VSTM5: variants seen among roughly 807,000 people sequenced by gnomAD.
VSTM5 encodes the protein V-set and transmembrane domain-containing protein 5.
VSTM5 carries 21 observed loss-of-function variants against 20.3 expected under a neutral mutation model. That is an observed-to-expected ratio of 1.03 (90% confidence interval 0.73 to 1.49). The LOEUF (loss-of-function observed/expected upper bound fraction) is 1.49. Ranked by LOEUF, VSTM5 falls within the 40% of genes most tolerant of loss-of-function variation. The pLI is 0.00. For missense variants in VSTM5, 219 were observed against 250.0 expected (o/e 0.88, Z 0.84); for synonymous variants, 100 against 102.5 (o/e 0.98, Z 0.14).
chr11:93,835,542 C>T (rs914734485), intron 1 of VSTM5, among the ~76,000 whole-genome samples: 1 of 152,158 alleles, frequency 6.6e-6, no homozygotes, highest in Non-Finnish European at 1.5e-5. Flanking sequence ...TCACAGAATT[C>T]CTTGAGCTTG....
chr11:93,829,680 C>T (rs1251447256), intron 1 of VSTM5, among the ~76,000 whole-genome samples: 1 of 152,194 alleles, frequency 6.6e-6, no homozygotes, highest in Non-Finnish European at 1.5e-5. Flanking sequence ...CCAGTCTTCC[C>T]TAACACTCTG....
At chr11:93,823,999 C>T (rs1257493023) in intron 1 of VSTM5, among the ~76,000 whole-genome samples, 1 of 151,998 alleles carries the variant, frequency 6.6e-6, no homozygotes, top group African/African-American at 2.4e-5. Context: ...CCTCTGCCTC[C>T]CAGGTTCAAG....
At chr11:93,835,020 C>T (rs1944312826) in intron 1 of VSTM5, among the ~76,000 whole-genome samples, 1 of 152,128 alleles carries the variant, frequency 6.6e-6, no homozygotes, top group Non-Finnish European at 1.5e-5. Context: ...CTCCTCACCA[C>T]ACTATGCCCT....
intron 1 of VSTM5, among the ~76,000 whole-genome samples, chr11:93,841,514 A>G (rs561219117): frequency 6.6e-6 from 1 of 152,192 alleles, no homozygotes; most frequent in Non-Finnish European, 1.5e-5. Flanking sequence ...GGTTCTCAGC[A>G]TTTGGCTCCA....
At chr11:93,843,970 C>A (rs1261945461) in intron 1 of VSTM5, among the ~76,000 whole-genome samples, 2 of 152,196 alleles carry the variant, frequency 1.3e-5, no homozygotes, top group Non-Finnish European at 2.9e-5. Flanking sequence ...ATGTCATCTC[C>A]TCTGCCAGGC....
At chr11:93,829,865 G>A (rs1306499839) in intron 1 of VSTM5, among the ~76,000 whole-genome samples, 1 of 152,214 alleles carries the variant, frequency 6.6e-6, no homozygotes, top group Non-Finnish European at 1.5e-5. Context: ...CCAATGTCAC[G>A]GTAAGTGGCT....
chr11:93,839,149 G>T (rs1171248571), intron 1 of VSTM5, among the ~76,000 whole-genome samples: 1 of 152,226 alleles, frequency 6.6e-6, no homozygotes, highest in African/African-American at 2.4e-5. Flanking sequence ...CAGATTCTCT[G>T]TCCCGAGAGT....
At chr11:93,839,283 A>G (rs1194622487) in intron 1 of VSTM5, among the ~76,000 whole-genome samples, 1 of 152,190 alleles carries the variant, frequency 6.6e-6, no homozygotes, top group East Asian at 1.9e-4. Flanking sequence ...GGGCAGCAGG[A>G]GAGACTGGGC....
At chr11:93,848,522 C>G (rs1944431641) in intron 1 of VSTM5, among the ~76,000 whole-genome samples, 1 of 152,210 alleles carries the variant, frequency 6.6e-6, no homozygotes, top group Non-Finnish European at 1.5e-5. Context: ...TTCCCTTTGT[C>G]CTGTCCCCCG....
chr11:93,848,532 G>C (rs1553603), intron 1 of VSTM5, among the ~76,000 whole-genome samples: 1 of 152,048 alleles, frequency 6.6e-6, no homozygotes, highest in Non-Finnish European at 1.5e-5. Context: ...CCTGTCCCCC[G>C]AGCTGCTCCT....
intron 1 of VSTM5, among the ~76,000 whole-genome samples, chr11:93,827,382 CATA>C (rs546699050): frequency 2.6e-5 from 4 of 152,274 alleles, no homozygotes; most frequent in East Asian, 1.9e-4. Context: ...AACTCCATCT[CATA>C]ATAATAATAA....
intron 1 of VSTM5, among the ~76,000 whole-genome samples, chr11:93,833,902 T>G (rs1186534573): frequency 1.3e-5 from 2 of 152,120 alleles, no homozygotes; most frequent in African/African-American, 4.8e-5. Flanking sequence ...CTCTCCTTGT[T>G]TACTGTTCAA....
chr11:93,830,684 C>G (rs1447976663), intron 1 of VSTM5, among the ~76,000 whole-genome samples: 1 of 152,062 alleles, frequency 6.6e-6, no homozygotes, highest in Non-Finnish European at 1.5e-5. Flanking sequence ...GGAGGGACCC[C>G]TTTCCCAGCC....
At chr11:93,844,731 T>C (rs2135740080) in intron 1 of VSTM5, among the ~76,000 whole-genome samples, 2 of 152,240 alleles carry the variant, frequency 1.3e-5, no homozygotes, top group South Asian at 4.1e-4. Context: ...TTCAAGAAGC[T>C]CCTCCCATTC....
intron 1 of VSTM5, among the ~76,000 whole-genome samples, chr11:93,848,347 A>C (rs1261546117): frequency 6.6e-6 from 1 of 152,186 alleles, no homozygotes; most frequent in African/African-American, 2.4e-5. Flanking sequence ...TTAAGGGCGC[A>C]GGCCCTGGCT....
intron 1 of VSTM5, among the ~76,000 whole-genome samples, chr11:93,836,182 T>C (rs916282519): frequency 2.0e-5 from 3 of 152,206 alleles, no homozygotes; most frequent in African/African-American, 7.2e-5. Context: ...TCTTCTACCA[T>C]CACCCTAGTC....
chr11:93,825,786 T>G (rs1285304701), intron 1 of VSTM5, among the ~76,000 whole-genome samples: 1 of 151,728 alleles, frequency 6.6e-6, no homozygotes, highest in Non-Finnish European at 1.5e-5. Context: ...TTGTTGTTAT[T>G]GAGATACAGT....
intron 1 of VSTM5, 183 bp from the exon 2 acceptor site, chr11:93,821,506 GCT>G (rs1382776760): frequency 3.2e-6 from 2 of 623,528 alleles, no homozygotes; most frequent in African/African-American, 3.7e-5. Flanking sequence ...TGGAGATAGA[GCT>G]CTCTACACAC....
intron 1 of VSTM5, among the ~76,000 whole-genome samples, chr11:93,823,930 CAG>C (rs1944211284): frequency 6.8e-6 from 1 of 147,672 alleles, no homozygotes. Flanking sequence ...TTTTTTGAGA[CAG>C]AGTCTTACTC....
Sources: allele counts gnomAD v4.1 joint callset (sites outside exome capture counted in the v4.1 genomes callset), GRCh38; gene constraint gnomAD v4.1.1; transcripts MANE v1.5; gene names NCBI Gene and HGNC (gene_info 2026-07-23, HGNC 2026-07-21).